Variants in PROSER2 observed in about 807,000 individuals in gnomAD.
PROSER2 encodes the protein proline and serine rich 2, also known as proline and serine-rich protein 2.
A neutral mutation model predicts 14.6 loss-of-function variants in PROSER2; 18 were observed. That is an observed-to-expected ratio of 1.23 (90% CI 0.85 to 1.83). PROSER2 has a LOEUF of 1.83. Ranked by LOEUF, PROSER2 falls within the 40% of genes most tolerant of loss-of-function variation. The pLI is 0.00. For synonymous variants in PROSER2, 367 were observed against 286.4 expected, an observed-to-expected ratio of 1.28 and a Z score of -2.84; for missense variants, 823 against 629.8, an observed-to-expected ratio of 1.31 and a Z score of -3.28.
At chr10:11,849,000 A>C (rs1235438832) in intron 1 of PROSER2, among the ~76,000 whole-genome samples, 1 of 152,154 alleles carries the variant, frequency 6.6e-6, no homozygotes, top group Non-Finnish European at 1.5e-5. Flanking sequence ...CATCCTGGCC[A>C]ACATGGTGAA....
At chr10:11,844,511 T>C (rs1354995148) in intron 1 of PROSER2, among the ~76,000 whole-genome samples, 2 of 152,232 alleles carry the variant, frequency 1.3e-5, no homozygotes, top group Non-Finnish European at 2.9e-5. Flanking sequence ...TAATCTGTAA[T>C]CTCTTGGTTT....
intron 1 of PROSER2, among the ~76,000 whole-genome samples, chr10:11,826,407 C>T (rs1031312497): frequency 4.6e-5 from 7 of 152,082 alleles, no homozygotes; most frequent in Admixed American, 2.0e-4. Context: ...GTAGAATTCC[C>T]GGGTCATATG....
intron 1 of PROSER2, among the ~76,000 whole-genome samples, chr10:11,832,900 T>A (rs1449349626): frequency 6.6e-6 from 1 of 152,186 alleles, no homozygotes; most frequent in Non-Finnish European, 1.5e-5. Context: ...TAGAGTGCAG[T>A]GGCTCAGTCT....
intron 1 of PROSER2, among the ~76,000 whole-genome samples, chr10:11,840,892 T>G (rs1833827285): frequency 8.1e-6 from 1 of 123,230 alleles, no homozygotes. Flanking sequence ...ACCATTGCAC[T>G]CCAGCCTGGG....
Position 11,838,770 on chromosome 10 carries a change from TTAA to T in PROSER2, c.-81-13222_-81-13220del, listed in dbSNP as rs1418921243. Among the ~76,000 whole-genome samples, 3 of 152,382 alleles carry T rather than the reference TTAA, an allele frequency of 2.0e-5. No individual in the cohort carries two copies. The highest frequency in any genetic ancestry group is 2.1e-4 in the South Asian group (1 of 4,830). ...GTGAGGTTGAACATCTGTCTTGTAC[TTAA>T]TAATCATCTGGTTTCCTCGTTTGTA... On this transcript the variant is annotated intron_variant, in intron 1 of 3. Transcript: ENST00000277570. The surrounding 1 kb of genome is among the most constrained non-coding windows in gnomAD (Gnocchi z 4.4).
chr10:11,869,586 C>G lies in PROSER2; in HGVS notation c.488C>G (p.Pro163Arg), dbSNP rs1016899791. The G allele has an allele frequency of 4.4e-6, 7 of 1,608,144 alleles. No homozygotes were observed. The African/African-American group carries it at 9.4e-5, about 22-fold the overall frequency. The change falls in exon 4 of 4, where the codon CCC becomes CGC. Residue 163 changes from proline (P) to arginine (R), a missense_variant. Physicochemically the swap from Pro to Arg is moderately radical, Grantham distance 103. Coordinates refer to ENST00000277570, the MANE Select transcript of PROSER2 (RefSeq NM_153256.4). This position sits in a 1 kb window ranked among gnomAD's most constrained non-coding sequence, Gnocchi z 4.4. ...CCCGAGACCCTTCTTGCGCCACCAC[C>G]CCTGCCTAGCACCCCCGATCCCCCC... ...PAPETLLAPP[P>R]LPSTPDPPRR...
chr10:11,860,992 GC>G (rs1221128567), intron 2 of PROSER2, among the ~76,000 whole-genome samples: 1 of 152,136 alleles, frequency 6.6e-6, no homozygotes, highest in South Asian at 2.1e-4. Context: ...TGTAGTCCCA[GC>G]TACCCTGGAG....
chr10:11,862,966 C>T lies in PROSER2; in HGVS notation c.139-3565C>T, dbSNP rs371448047. ...CAAGTGTCAGTCAGTACAACCACTT[C>T]GGAAAGCTGTGTCCACCCACCCAAG... On this transcript the variant is annotated intron_variant, in intron 2 of 3. Coordinates refer to ENST00000277570, the MANE Select transcript of PROSER2 (RefSeq NM_153256.4). This position sits in a 1 kb window ranked among gnomAD's most constrained non-coding sequence, Gnocchi z 4.2. The T allele has an allele frequency of 1.3e-5, 2 of 152,170 alleles. No individual in the cohort carries two copies. Among genetic ancestry groups the T allele is most frequent in the South Asian group, 2.1e-4 (1 of 4,822 alleles). 9.4% of individuals were successfully genotyped at this position (152,170 alleles called of 1,614,324 possible). A position where few individuals can be genotyped will look rare whatever the true frequency, so the allele number is the denominator to read the frequency against.
rs558283551 is a variant in PROSER2, at chr10:11,842,931, CTTTTTTTTTT to C, written c.-81-9048_-81-9039del. 3.8e-4 allele frequency among the ~76,000 whole-genome samples: 20 copies of C among 51,960 alleles called. 1 individual carries two copies. In the South Asian group the frequency reaches 4.1e-3, roughly 11 times the overall value. 34.1% of individuals were successfully genotyped at this position (51,960 alleles called of 152,430 possible). On this transcript the variant is annotated intron_variant, in intron 1 of 3. Transcript: ENST00000277570. ...TTTTCTATACTATTTTGCCATTGTT[CTTTTTTTTTT>C]TTTTTTTTTTTTTTTTTGAGATGGA...
chr10:11,833,825 G>T (rs998017413), intron 1 of PROSER2, among the ~76,000 whole-genome samples: 2 of 152,074 alleles, frequency 1.3e-5, no homozygotes, highest in African/African-American at 4.8e-5. Flanking sequence ...GCAAGTGGTG[G>T]GTATCAACAG....
At position 11,848,583 on chromosome 10, in the gene PROSER2, G is replaced by A. The variant is rs116474730; in HGVS notation, c.-81-3414G>A. On this transcript the variant is annotated intron_variant, in intron 1 of 3. Transcript: ENST00000277570. Reference sequence around the variant, plus strand: ...CACCCTTCAGACCATGGCCAGAGTCGTCTTTCTAAACTGTAAGTGGGTCCT... The same window carrying A: ...CACCCTTCAGACCATGGCCAGAGTCATCTTTCTAAACTGTAAGTGGGTCCT... Among the ~76,000 whole-genome samples the A allele has an allele frequency of 6.7e-3, 1,027 of 152,252 alleles. 17 individuals carry two copies. The highest frequency in any genetic ancestry group is 0.023 in the African/African-American group (942 of 41,548).
chr10:11,841,580 G>T (rs1371660399), intron 1 of PROSER2, among the ~76,000 whole-genome samples: 1 of 152,134 alleles, frequency 6.6e-6, no homozygotes, highest in Non-Finnish European at 1.5e-5. Context: ...GTTTCGATAG[G>T]TAGCGTTTCT....
At chr10:11,829,036 A>G (rs1024151833) in intron 1 of PROSER2, among the ~76,000 whole-genome samples, 2 of 152,048 alleles carry the variant, frequency 1.3e-5, no homozygotes, top group African/African-American at 4.8e-5. Flanking sequence ...ATTATGCCGC[A>G]AGGGGTTAGC....
intron 1 of PROSER2, among the ~76,000 whole-genome samples, chr10:11,844,778 C>T (rs771036311): frequency 2.6e-5 from 4 of 152,160 alleles, no homozygotes; most frequent in Non-Finnish European, 2.9e-5. Context: ...TGAGCTACCA[C>T]GCCTGGCTAA....
Position 11,869,946 on chromosome 10 carries a change from C to T in PROSER2, c.848C>T (p.Ala283Val), listed in dbSNP as rs1289220028. The change falls in exon 4 of 4, where the codon GCG becomes GTG. Residue 283 changes from alanine to valine, a missense_variant. By Grantham distance (64) the Ala-to-Val change is moderately conservative. Coordinates refer to ENST00000277570, the MANE Select transcript of PROSER2 (RefSeq NM_153256.4). This position sits in a 1 kb window ranked among gnomAD's most constrained non-coding sequence, Gnocchi z 4.4. Reference protein sequence around the residue: ...RAAVSVQERRAQVLATIHGHA... With the variant: ...RAAVSVQERRVQVLATIHGHA... ...GCCGTCAGCGTGCAGGAGCGCAGGG[C>T]GCAGGTGTTGGCCACCATCCACGGC... 13 of 1,493,540 alleles carry T rather than the reference C, an allele frequency of 8.7e-6. 1 individual carries two copies. The highest frequency in any genetic ancestry group is 2.3e-4 in the Middle Eastern group (1 of 4,404). The allele number at this position is 1,493,540 out of a possible 1,614,324, so 92.5% of individuals were successfully genotyped here. A position where few individuals can be genotyped will look rare whatever the true frequency, so the allele number is the denominator to read the frequency against.
Position 11,856,508 on chromosome 10 carries a change from G to A in PROSER2, c.138+4293G>A, listed in dbSNP as rs1230594849. The stretch of plus-strand genomic sequence containing the variant: ...CAAGGAGTGGAGCTGGAACAGCATG[G>A]CTGCTTTTGTGAGGGTGGCTGGGGA... On this transcript the variant is annotated intron_variant, in intron 2 of 3. Transcript: ENST00000277570. This position sits in a 1 kb window ranked among gnomAD's most constrained non-coding sequence, Gnocchi z 5.3. 6.6e-6 allele frequency among the ~76,000 whole-genome samples: 1 copy of A among 152,246 alleles called. No individual in the cohort carries two copies. The highest frequency in any genetic ancestry group is 2.4e-5 in the African/African-American group (1 of 41,466).
chr10:11,854,619 G>GT (rs11342646), intron 2 of PROSER2, among the ~76,000 whole-genome samples: 5 of 146,408 alleles, frequency 3.4e-5, no homozygotes, highest in African/African-American at 1.2e-4. Flanking sequence ...CCTGCTGAAA[G>GT]TTTTTTTTTT....
At chr10:11,843,235 C>T (rs1833875646) in intron 1 of PROSER2, among the ~76,000 whole-genome samples, 1 of 150,738 alleles carries the variant, frequency 6.6e-6, no homozygotes, top group South Asian at 2.1e-4. Flanking sequence ...CCACCGCACC[C>T]AGCCTTGCCA....
At chr10:11,860,510 G>A (rs562041129) in intron 2 of PROSER2, among the ~76,000 whole-genome samples, 28 of 152,106 alleles carry the variant, frequency 1.8e-4, no homozygotes, top group African/African-American at 4.8e-4. Context: ...CAGCTACTCC[G>A]GATCCTGAGG....
Sources: allele counts gnomAD v4.1 joint callset (sites outside exome capture counted in the v4.1 genomes callset), GRCh38; gene constraint gnomAD v4.1.1; non-coding constraint Gnocchi (gnomAD v3.1); transcripts MANE v1.5; gene names NCBI Gene and HGNC (gene_info 2026-07-23, HGNC 2026-07-21).